Variants in TMPRSS11F observed in about 807,000 individuals in gnomAD.
TMPRSS11F encodes transmembrane protease serine 11F.
TMPRSS11F carries 47 observed loss-of-function variants against 60.2 expected under a neutral mutation model. The observed-to-expected ratio is 0.78, with a 90% CI of 0.62 to 1.00. TMPRSS11F has a LOEUF of 1.00. Ranked by LOEUF, TMPRSS11F falls within the 50% of genes least tolerant of loss-of-function variation. The pLI, the probability that TMPRSS11F is intolerant of heterozygous loss-of-function variation, is 0.00. For missense variants in TMPRSS11F, 519 were observed against 522.9 expected, an observed-to-expected ratio of 0.99 and a Z score of 0.07; for synonymous variants, 166 against 167.3, an observed-to-expected ratio of 0.99 and a Z score of 0.06.
At chr4:68,103,185 A>C (rs1724228627) in intron 1 of TMPRSS11F, among the ~76,000 whole-genome samples, 1 of 152,188 alleles carries the variant, frequency 6.6e-6, no homozygotes, top group South Asian at 2.1e-4. Context: ...TCATGCCTAC[A>C]GTCCCAACAC....
At chr4:68,074,067 A>G in intron 3 of TMPRSS11F, 58 bp from the exon 4 acceptor site, 1 of 1,111,888 alleles carries the variant, frequency 9.0e-7, no homozygotes, top group South Asian at 1.7e-5. Flanking sequence ...TAAAAAAATA[A>G]TTTTTTAAAA....
intron 1 of TMPRSS11F, among the ~76,000 whole-genome samples, chr4:68,116,365 G>A (rs1724518929): frequency 6.6e-6 from 1 of 151,856 alleles, no homozygotes; most frequent in Admixed American, 6.6e-5. Flanking sequence ...TAAATGGAAG[G>A]ACATTCCATG....
intron 1 of TMPRSS11F, among the ~76,000 whole-genome samples, chr4:68,123,013 A>G (rs1724651356): frequency 6.6e-6 from 1 of 152,176 alleles, no homozygotes; most frequent in African/African-American, 2.4e-5. Flanking sequence ...TAGCCATCCA[A>G]ATTTCCAGAT....
intron 1 of TMPRSS11F, among the ~76,000 whole-genome samples, chr4:68,103,160 G>A (rs1011405567): frequency 6.6e-6 from 1 of 151,894 alleles, no homozygotes; most frequent in African/African-American, 2.4e-5. Flanking sequence ...GTTGACCACG[G>A]CCAGGCACAG....
rs182743188 is a variant in TMPRSS11F at position 68,074,916 on chromosome 4, G to A, written c.283-907C>T. 4.0e-3 allele frequency among the ~76,000 whole-genome samples: 610 copies of A among 152,154 alleles called. 16 individuals are homozygous for A. Among genetic ancestry groups the A allele is most frequent in the Admixed American group, 0.034 (518 of 15,286 alleles). ...GTTCCAGATGAGCCTGGGCAACATG[G>A]CAAACTCCATTTCTACCAAAAATAC... is the stretch of plus-strand genomic sequence containing the variant. On this transcript the variant is annotated intron_variant, in intron 3 of 9. Transcript: ENST00000356291.
chr4:68,063,005 C>G, intron 8 of TMPRSS11F: 1 of 684,898 alleles, frequency 1.5e-6, no homozygotes, highest in South Asian at 1.4e-5. Flanking sequence ...ACTTTCACTA[C>G]AAGACATTTC....
At chr4:68,115,997 C>T (rs1043997153) in intron 1 of TMPRSS11F, among the ~76,000 whole-genome samples, 1 of 151,938 alleles carries the variant, frequency 6.6e-6, no homozygotes, top group African/African-American at 2.4e-5. Flanking sequence ...GTGAGTCCTT[C>T]AGCTTTTTAT....
chr4:68,072,221 C>CTATATATATGTATATATCTT (rs1553885899), intron 5 of TMPRSS11F, 102 bp downstream of exon 5: 1 of 57,702 alleles, frequency 1.7e-5, no homozygotes, highest in African/African-American at 5.8e-5. Context: ...ATATATCTTC[C>CTATATATATGTATATATCTT]AAAAAAAAAA....
In TMPRSS11F at chr4:68,099,058, A is replaced by G; in HGVS notation, c.12-20T>C. ...ACAGGTCTGTGATAACAGAAAGAAA[A>G]TAGAGACAATAAAAATTCATTATAG... is the stretch of plus-strand genomic sequence containing the variant. On this transcript the variant is annotated intron_variant, in intron 1 of 9. Transcript: ENST00000356291. 6.3e-7 allele frequency: 1 copy of G among 1,592,730 alleles called. No individual in the cohort carries two copies. The highest frequency in any genetic ancestry group is 1.7e-4 in the Middle Eastern group (1 of 5,958).
intron 8 of TMPRSS11F, 75 bp from the exon 9 acceptor site, chr4:68,059,543 C>T: frequency 7.1e-7 from 1 of 1,416,266 alleles, no homozygotes; most frequent in South Asian, 1.5e-5. Flanking sequence ...ATAGAAGACA[C>T]ATAAATTGTA....
intron 9 of TMPRSS11F, among the ~76,000 whole-genome samples, chr4:68,058,208 C>T (rs898939793): frequency 6.6e-6 from 1 of 152,026 alleles, no homozygotes; most frequent in African/African-American, 2.4e-5. Flanking sequence ...TTCAAAATAG[C>T]TAAGAGAGTA....
chr4:68,112,662 A>AC (rs1365784981), intron 1 of TMPRSS11F, among the ~76,000 whole-genome samples: 22 of 152,148 alleles, frequency 1.4e-4, no homozygotes, highest in Admixed American at 1.4e-3. Context: ...ACCCAGCTAG[A>AC]CAGTAAACTC....
At chr4:68,063,425 G>T (rs1277649836) in intron 8 of TMPRSS11F, among the ~76,000 whole-genome samples, 4 of 151,966 alleles carry the variant, frequency 2.6e-5, no homozygotes, top group Non-Finnish European at 5.9e-5. Context: ...TCACCAGGCT[G>T]CAGTGCAATG....
intron 3 of TMPRSS11F, among the ~76,000 whole-genome samples, chr4:68,089,253 C>T (rs1206605643): frequency 6.6e-6 from 1 of 152,086 alleles, no homozygotes; most frequent in Non-Finnish European, 1.5e-5. Flanking sequence ...ATAAATTTTA[C>T]ATCCCATGAA....
chr4:68,117,417 G>A (rs1459076921), intron 1 of TMPRSS11F, among the ~76,000 whole-genome samples: 3 of 131,120 alleles, frequency 2.3e-5, no homozygotes, highest in Admixed American at 9.4e-5. Context: ...GCAGTAAGCC[G>A]AGATCCGGCC....
intron 8 of TMPRSS11F, chr4:68,063,288 G>A (rs1055601673): frequency 1.3e-5 from 7 of 549,418 alleles, no homozygotes; most frequent in Middle Eastern, 3.7e-4. Flanking sequence ...ACCATGGACC[G>A]CACCAACTGA....
chr4:68,090,867 A>T (rs1241919887), intron 2 of TMPRSS11F, among the ~76,000 whole-genome samples: 1 of 152,204 alleles, frequency 6.6e-6, no homozygotes, highest in East Asian at 1.9e-4. Context: ...TCCATTATAG[A>T]TATTTATGCA....
In TMPRSS11F at chr4:68,109,471, G is replaced by A. The variant is rs368222404; in HGVS notation, c.12-10433C>T. 5.9e-5 allele frequency among the ~76,000 whole-genome samples: 9 copies of A among 152,184 alleles called. No individual in the cohort carries two copies. In the East Asian group the frequency reaches 9.6e-4, roughly 16 times the overall value. ...GAATTATACACCAGGTGGATATAAC[G>A]ATGAAAGTACAGATCCCTAAAAATT... On this transcript the variant is annotated intron_variant, in intron 1 of 9. Coordinates refer to ENST00000356291, the MANE Select transcript of TMPRSS11F (RefSeq NM_207407.2).
intron 9 of TMPRSS11F, 38 bp from the exon 10 acceptor site, chr4:68,054,105 T>C: frequency 6.3e-7 from 1 of 1,582,622 alleles, no homozygotes; most frequent in Non-Finnish European, 8.6e-7. Flanking sequence ...TAACTCTACT[T>C]TAATTCAGTG....
Sources: gnomAD v4.1 joint callset for allele counts (sites outside exome capture counted in the v4.1 genomes callset) on GRCh38, gnomAD v4.1.1 for gene constraint, MANE v1.5 for transcripts, NCBI Gene and HGNC (gene_info 2026-07-23, HGNC 2026-07-21) for gene names.